The following HDAC4 variants were observed in gnomAD, a reference collection of about 807,000 sequenced individuals.
HDAC4 encodes the protein histone deacetylase A.
In HDAC4, 16 loss-of-function variants were observed where a neutral mutation model predicts 135.1. That is an observed-to-expected ratio of 0.12 (90% CI 0.08 to 0.18). The LOEUF (loss-of-function observed/expected upper bound fraction) is 0.18, where lower values mean the gene tolerates loss of function less well. Among genes scored for constraint, HDAC4 ranks in the 10% least tolerant of loss-of-function variants. HDAC4 has a pLI of 1.00. For synonymous variants in HDAC4, 685 were observed against 653.4 expected, an observed-to-expected ratio of 1.05 and a Z score of -0.74; for missense variants, 1,143 against 1,511.8, an observed-to-expected ratio of 0.76 and a Z score of 4.05.
At chr2:239,192,665 C>G (rs771463050) in intron 3 of HDAC4, among the ~76,000 whole-genome samples, 6 of 152,176 alleles carry the variant, frequency 3.9e-5, no homozygotes, top group Non-Finnish European at 8.8e-5. Context: ...GAATGACTGT[C>G]AGGTTGCGGT....
intron 3 of HDAC4, among the ~76,000 whole-genome samples, chr2:239,198,736 C>A (rs2045566224): frequency 6.6e-6 from 1 of 152,196 alleles, no homozygotes. Flanking sequence ...CTCTTCTGTT[C>A]TCCCCATCTT....
At chr2:239,371,528 C>T (rs774916806) in intron 1 of HDAC4, among the ~76,000 whole-genome samples, 8 of 152,154 alleles carry the variant, frequency 5.3e-5, no homozygotes, top group Non-Finnish European at 8.8e-5. Context: ...ACCTTAAACA[C>T]ACCCGATCAC....
chr2:239,395,076 G>C (rs1173771835), intron 1 of HDAC4, among the ~76,000 whole-genome samples: 2 of 152,220 alleles, frequency 1.3e-5, no homozygotes, highest in Non-Finnish European at 1.5e-5. Context: ...GAAGAGGAAG[G>C]TAAAGGGAGG....
chr2:239,346,791 T>TCA (rs752406142), intron 2 of HDAC4, among the ~76,000 whole-genome samples: 4 of 71,050 alleles, frequency 5.6e-5, no homozygotes, highest in Non-Finnish European at 1.1e-4. Context: ...ATACACCGTC[T>TCA]CACACACACA....
At chr2:239,127,321 A>G (rs796951044) in intron 11 of HDAC4, among the ~76,000 whole-genome samples, 20 of 152,344 alleles carry the variant, frequency 1.3e-4, no homozygotes, top group African/African-American at 4.3e-4. Flanking sequence ...GAGGATGCCC[A>G]CTTCACCAAC....
intron 2 of HDAC4, among the ~76,000 whole-genome samples, chr2:239,263,285 C>A (rs574247999): frequency 7.3e-6 from 1 of 136,732 alleles, no homozygotes; most frequent in Non-Finnish European, 1.5e-5. Context: ...GCCCAGCCCC[C>A]TACACATCAG....
At chr2:239,336,472 A>G (rs1362152599) in intron 2 of HDAC4, among the ~76,000 whole-genome samples, 1 of 152,230 alleles carries the variant, frequency 6.6e-6, no homozygotes, top group African/African-American at 2.4e-5. Flanking sequence ...GTCCACCAAC[A>G]ATGACTTGTT....
chr2:239,311,618 C>G (rs997451448), intron 2 of HDAC4, among the ~76,000 whole-genome samples: 24 of 152,132 alleles, frequency 1.6e-4, no homozygotes, highest in Admixed American at 6.5e-5. Context: ...CACTGTGACC[C>G]ATGACAGGAA....
chr2:239,376,393 G>T (rs1032941026), intron 1 of HDAC4, among the ~76,000 whole-genome samples: 10 of 151,624 alleles, frequency 6.6e-5, no homozygotes, highest in African/African-American at 2.4e-4. Context: ...TGTGAGGAAG[G>T]TGCTGTGTGC....
intron 22 of HDAC4, among the ~76,000 whole-genome samples, chr2:239,078,903 C>G (rs1299776046): frequency 6.6e-6 from 1 of 152,236 alleles, no homozygotes; most frequent in Non-Finnish European, 1.5e-5. Flanking sequence ...GGCAGCACCC[C>G]CTTTCTCCCC....
rs1043007255 is a variant in HDAC4, at chr2:239,316,176, C to T, written c.22+36502G>A. On this transcript the variant is annotated intron_variant, in intron 2 of 26. Transcript: ENST00000543185. ...CTCCAAAGCCCCGTGGGAATAGGCT[C>T]GCTCAGACACTACTGGCGGAAATGC... Among the ~76,000 whole-genome samples, 5 of 152,192 alleles carry T rather than the reference C, an allele frequency of 3.3e-5. No individual in the cohort carries two copies. In the East Asian group the frequency reaches 7.7e-4, roughly 23 times the overall value.
At chr2:239,325,966 AAT>A (rs1333774192) in intron 2 of HDAC4, among the ~76,000 whole-genome samples, 1 of 152,116 alleles carries the variant, frequency 6.6e-6, no homozygotes, top group African/African-American at 2.4e-5. Context: ...ATGAAAAAAA[AAT>A]AATAATAAAT....
chr2:239,136,971 G>C (rs1021646426), intron 9 of HDAC4, among the ~76,000 whole-genome samples: 1 of 152,158 alleles, frequency 6.6e-6, no homozygotes, highest in Non-Finnish European at 1.5e-5. Context: ...ATTTTTCCTA[G>C]GCAATTTTTT....
intron 14 of HDAC4, among the ~76,000 whole-genome samples, chr2:239,108,468 G>A: frequency 6.6e-6 from 1 of 152,190 alleles, no homozygotes; most frequent in Admixed American, 6.5e-5. Flanking sequence ...CTGCCCTGCT[G>A]CAGCAGGCTG....
At chr2:239,295,199 T>C (rs2051798048) in intron 2 of HDAC4, among the ~76,000 whole-genome samples, 1 of 146,724 alleles carries the variant, frequency 6.8e-6, no homozygotes. Flanking sequence ...CCCAGCTACT[T>C]GGGAGGCTGA....
intron 2 of HDAC4, among the ~76,000 whole-genome samples, chr2:239,326,908 G>A (rs893638856): frequency 2.6e-5 from 4 of 152,190 alleles, no homozygotes; most frequent in African/African-American, 9.7e-5. Context: ...CAAGCACACA[G>A]AGGTCACCCC....
At chr2:239,378,945 T>A (rs1280742313) in intron 1 of HDAC4, among the ~76,000 whole-genome samples, 1 of 152,100 alleles carries the variant, frequency 6.6e-6, no homozygotes, top group Admixed American at 6.5e-5. Flanking sequence ...CTCTTTCCCC[T>A]CATTTCCAAG....
chr2:239,145,254 C>T (rs2041676800), intron 7 of HDAC4, among the ~76,000 whole-genome samples: 1 of 152,230 alleles, frequency 6.6e-6, no homozygotes, highest in African/African-American at 2.4e-5. Flanking sequence ...CTGTGTCAGT[C>T]AGTGAGGCCT....
chr2:239,335,227 C>A (rs1446559509), intron 2 of HDAC4, among the ~76,000 whole-genome samples: 2 of 151,886 alleles, frequency 1.3e-5, no homozygotes, highest in Non-Finnish European at 2.9e-5. Context: ...AAAAACAGAT[C>A]CATTTATATA....
Sources: allele counts gnomAD v4.1 joint callset (sites outside exome capture counted in the v4.1 genomes callset), GRCh38; gene constraint gnomAD v4.1.1; transcripts MANE v1.5; gene names NCBI Gene and HGNC (gene_info 2026-07-23, HGNC 2026-07-21).